TMED8: variants seen among roughly 807,000 people sequenced by gnomAD.
TMED8 encodes transmembrane p24 trafficking protein family member 8, also known as protein TMED8.
In TMED8, 15 loss-of-function variants were observed where a neutral mutation model predicts 32.7. The observed-to-expected ratio is 0.46, with a 90% CI of 0.31 to 0.71. The LOEUF (loss-of-function observed/expected upper bound fraction) is 0.71, where lower values mean the gene tolerates loss of function less well. Ranked by LOEUF, TMED8 falls within the 30% of genes least tolerant of loss-of-function variation. The pLI, the probability that TMED8 is intolerant of heterozygous loss-of-function variation, is 0.06. For missense variants in TMED8, 390 were observed against 423.9 expected (o/e 0.92, Z 0.70); for synonymous variants, 147 against 161.4 (o/e 0.91, Z 0.68).
In TMED8 at chr14:77,376,905, AC is replaced by A; in HGVS notation, c.118+30del. 1 of 1,321,562 alleles carries A rather than the reference AC, an allele frequency of 7.6e-7. No individual in the cohort carries two copies. Among genetic ancestry groups the A allele is most frequent in the Non-Finnish European group, 9.9e-7 (1 of 1,008,648 alleles). 81.9% of individuals were successfully genotyped at this position (1,321,562 alleles called of 1,614,324 possible). A position where few individuals can be genotyped will look rare whatever the true frequency, so the allele number is the denominator to read the frequency against. On this transcript the variant is annotated intron_variant, in intron 1 of 5. Transcript: ENST00000216468. This position sits in a 1 kb window ranked among gnomAD's most constrained non-coding sequence, Gnocchi z 4.0. ...GTGCGGGGCCCTGAGGCCGGGCGGC[AC>A]CCACCCGCCAGCGCCCCGGCCTTGC...
At chr14:77,361,141 A>G (rs1893426033) in intron 1 of TMED8, among the ~76,000 whole-genome samples, 1 of 151,940 alleles carries the variant, frequency 6.6e-6, no homozygotes, top group South Asian at 2.1e-4. Flanking sequence ...CACCATGCCC[A>G]GCTAATTTTT....
chr14:77,370,931 A>G (rs1185614952), intron 1 of TMED8, among the ~76,000 whole-genome samples: 5 of 151,934 alleles, frequency 3.3e-5, no homozygotes, highest in Non-Finnish European at 7.4e-5. Flanking sequence ...CCTGGGCAAC[A>G]GTGCGAGACT....
At chr14:77,373,684 A>G (rs1402465334) in intron 1 of TMED8, among the ~76,000 whole-genome samples, 1 of 152,194 alleles carries the variant, frequency 6.6e-6, no homozygotes, top group Non-Finnish European at 1.5e-5. Flanking sequence ...CCTTAACTCA[A>G]CAATACCTGA....
At chr14:77,358,093 C>A (rs1893332211) in intron 1 of TMED8, among the ~76,000 whole-genome samples, 1 of 136,190 alleles carries the variant, frequency 7.3e-6, no homozygotes, top group Admixed American at 8.3e-5. Context: ...CAAGGCACTC[C>A]AGCCTGGGTG....
chr14:77,370,171 CAAAAAAA>C (rs5809828), intron 1 of TMED8, among the ~76,000 whole-genome samples: 1,423 of 138,022 alleles, frequency 0.01, 14 homozygotes, highest in African/African-American at 0.034. Context: ...GACTCCGTTT[CAAAAAAA>C]AAAAAAAAAA....
chr14:77,372,567 T>A (rs2139639707), intron 1 of TMED8, among the ~76,000 whole-genome samples: 1 of 152,258 alleles, frequency 6.6e-6, no homozygotes, highest in East Asian at 1.9e-4. Flanking sequence ...CAACCAAATC[T>A]AGTGACCATG....
chr14:77,344,652 G>A (rs564310419), intron 3 of TMED8, among the ~76,000 whole-genome samples: 135 of 152,268 alleles, frequency 8.9e-4, no homozygotes, highest in African/African-American at 3.2e-3. Flanking sequence ...CAAACAGTTG[G>A]CAGGCAACTC....
intron 1 of TMED8, among the ~76,000 whole-genome samples, chr14:77,373,140 T>C (rs1296432240): frequency 2.7e-5 from 4 of 150,064 alleles, no homozygotes; most frequent in Non-Finnish European, 5.9e-5. Flanking sequence ...AAAAGACTTA[T>C]TGTAATATTC....
At chr14:77,369,014 G>A (rs1893619130) in intron 1 of TMED8, among the ~76,000 whole-genome samples, 1 of 152,156 alleles carries the variant, frequency 6.6e-6, no homozygotes, top group Non-Finnish European at 1.5e-5. Context: ...CTATAGGTAG[G>A]TGCTTATGTA....
intron 1 of TMED8, among the ~76,000 whole-genome samples, chr14:77,354,619 C>T (rs1297350905): frequency 6.6e-6 from 1 of 152,062 alleles, no homozygotes; most frequent in East Asian, 1.9e-4. Context: ...CTAACCGTAA[C>T]CCCACTAACC....
At position 77,339,151 on chromosome 14, in the gene TMED8, G is replaced by C. The variant is rs774681123; in HGVS notation, c.*2620C>G. 1 of 152,240 alleles carries C rather than the reference G, an allele frequency of 6.6e-6. No homozygotes were observed. 9.4% of individuals were successfully genotyped at this position (152,240 alleles called of 1,614,324 possible). The stretch of plus-strand genomic sequence containing the variant: ...GTAATTACCTGTGCTTCAGTAAGTA[G>C]TATCTTGCCCCTAAAGTTCAATTAT... On this transcript the variant is annotated 3_prime_UTR_variant, in exon 6 of 6. Coordinates refer to ENST00000216468, the MANE Select transcript of TMED8 (RefSeq NM_213601.3).
chr14:77,360,093 G>T (rs1441636409), intron 1 of TMED8, among the ~76,000 whole-genome samples: 1 of 152,104 alleles, frequency 6.6e-6, no homozygotes, highest in Admixed American at 6.5e-5. Flanking sequence ...ATGGTGAAAT[G>T]GTTACCATAT....
intron 1 of TMED8, among the ~76,000 whole-genome samples, chr14:77,369,187 G>A (rs1893623323): frequency 6.6e-6 from 1 of 152,128 alleles, no homozygotes; most frequent in Admixed American, 6.5e-5. Flanking sequence ...AATCTTTGTT[G>A]CAAAGCAAGT....
intron 1 of TMED8, among the ~76,000 whole-genome samples, chr14:77,362,117 GT>G (rs1893452726): frequency 6.6e-6 from 1 of 151,288 alleles, no homozygotes; most frequent in African/African-American, 2.4e-5. Flanking sequence ...TTTTTGTAGA[GT>G]TTTTGGGGTT....
At chr14:77,367,173 C>T (rs2139633089) in intron 1 of TMED8, among the ~76,000 whole-genome samples, 1 of 127,726 alleles carries the variant, frequency 7.8e-6, no homozygotes, top group East Asian at 2.3e-4. Context: ...ACCTGGGAGG[C>T]AGAGGTTGCA....
chr14:77,372,953 T>TATATATATATATA (rs71128617), intron 1 of TMED8, among the ~76,000 whole-genome samples: 1 of 12,370 alleles, frequency 8.1e-5, no homozygotes, highest in Non-Finnish European at 1.3e-4. Flanking sequence ...TATATATATA[T>TATATATATATATA]TTTTTTTTTT....
chr14:77,360,431 T>A (rs1195595105), intron 1 of TMED8, among the ~76,000 whole-genome samples: 1 of 152,080 alleles, frequency 6.6e-6, no homozygotes, highest in Admixed American at 6.6e-5. Flanking sequence ...ATTACATATA[T>A]AAGAGAGATC....
rs1892873269 is a variant in TMED8, at chr14:77,340,586, C to G, written c.*1185G>C. On this transcript the variant is annotated 3_prime_UTR_variant, in exon 6 of 6. Transcript: ENST00000216468. ...CACTGGCTGCAGCACTACCTGCACT[C>G]TGTGGCACTCCTGAGCCTCAGGGGT... 6.6e-6 allele frequency: 1 copy of G among 152,186 alleles called. No homozygotes were observed. Among genetic ancestry groups the G allele is most frequent in the African/African-American group, 2.4e-5 (1 of 41,428 alleles). The allele number at this position is 152,186 out of a possible 1,614,324, so 9.4% of individuals were successfully genotyped here. A position where few individuals can be genotyped will look rare whatever the true frequency, so the allele number is the denominator to read the frequency against.
intron 1 of TMED8, among the ~76,000 whole-genome samples, chr14:77,366,886 C>T (rs991037411): frequency 2.6e-5 from 4 of 152,050 alleles, no homozygotes; most frequent in Non-Finnish European, 5.9e-5. Flanking sequence ...AAGTGATATG[C>T]ACTCAGGCAA....
Sources: gnomAD v4.1 joint callset for allele counts (sites outside exome capture counted in the v4.1 genomes callset) on GRCh38, gnomAD v4.1.1 for gene constraint, Gnocchi (gnomAD v3.1) non-coding constraint, MANE v1.5 for transcripts, NCBI Gene and HGNC (gene_info 2026-07-23, HGNC 2026-07-21) for gene names.